Variants in LRP1B observed in about 807,000 individuals in gnomAD.
The protein encoded by LRP1B is low-density lipoprotein receptor-related protein 1B.
A neutral mutation model predicts 556.6 loss-of-function variants in LRP1B; 217 were observed. The ratio of observed to expected loss-of-function variants is 0.39; its 90% CI spans 0.35 to 0.44. The LOEUF is 0.44. Ranked by LOEUF, LRP1B falls within the 20% of genes least tolerant of loss-of-function variation. LRP1B has a pLI of 1.00. For missense variants in LRP1B, 5,053 were observed against 5,620.8 expected, an observed-to-expected ratio of 0.90 and a Z score of 3.23; for synonymous variants, 2,047 against 1,865.8, an observed-to-expected ratio of 1.10 and a Z score of -2.50.
intron 3 of LRP1B, among the ~76,000 whole-genome samples, chr2:141,355,154 G>C (rs539091322): frequency 6.6e-6 from 1 of 152,066 alleles, no homozygotes; most frequent in African/African-American, 2.4e-5. Context: ...CATGTACTAA[G>C]TGAATTGAAC....
chr2:140,760,407 G>A (rs1023540532), intron 35 of LRP1B, among the ~76,000 whole-genome samples: 1 of 152,146 alleles, frequency 6.6e-6, no homozygotes, highest in African/African-American at 2.4e-5. Context: ...ATATTGCAAA[G>A]TGTACCTTGG....
intron 7 of LRP1B, among the ~76,000 whole-genome samples, chr2:141,109,879 T>C (rs1922704): frequency 0.36 from 54,945 of 151,868 alleles, 10,431 homozygotes; most frequent in East Asian, 0.66. Flanking sequence ...CAACAGCTGA[T>C]TGCATATTGC....
chr2:140,650,312 TA>T (rs1223428216), intron 41 of LRP1B, among the ~76,000 whole-genome samples: 113 of 498 alleles, frequency 0.23, no homozygotes, highest in Non-Finnish European at 0.35. Context: ...TTTTTATTTT[TA>T]TTTATTTATT....
intron 83 of LRP1B, among the ~76,000 whole-genome samples, chr2:140,303,756 C>G (rs939851703): frequency 1.3e-5 from 2 of 151,774 alleles, no homozygotes; most frequent in African/African-American, 4.8e-5. Context: ...TGTGCTGCAC[C>G]CATTAACTCG....
At chr2:141,446,854 T>C (rs1454570221) in intron 3 of LRP1B, among the ~76,000 whole-genome samples, 1 of 152,198 alleles carries the variant, frequency 6.6e-6, no homozygotes, top group Non-Finnish European at 1.5e-5. Flanking sequence ...GTTTTTTCCT[T>C]CATTTCAATC....
At chr2:140,318,728 A>G (rs951225835) in intron 82 of LRP1B, among the ~76,000 whole-genome samples, 14 of 152,070 alleles carry the variant, frequency 9.2e-5, no homozygotes, top group African/African-American at 3.1e-4. Flanking sequence ...AGAGTGGACC[A>G]CCTACATTCA....
At chr2:140,695,814 C>T (rs16844532) in intron 41 of LRP1B, among the ~76,000 whole-genome samples, 2,353 of 152,220 alleles carry the variant, frequency 0.015, 53 homozygotes, top group African/African-American at 0.052. Flanking sequence ...TCCTTATTCG[C>T]TCATACCTAA....
intron 1 of LRP1B, among the ~76,000 whole-genome samples, chr2:141,981,773 A>G (rs2105095951): frequency 6.6e-6 from 1 of 152,200 alleles, no homozygotes. Context: ...TGGCCATGTG[A>G]GTAGTCCTTA....
Position 141,141,345 on chromosome 2 carries a change from G to A in LRP1B, c.1013+47076C>T, listed in dbSNP as rs564328744. 2.0e-5 allele frequency among the ~76,000 whole-genome samples: 3 copies of A among 151,846 alleles called. No individual in the cohort carries two copies. In the South Asian group the frequency reaches 6.2e-4, roughly 32 times the overall value. ...TTCATTTTTATGAAGCATTTATTTT[G>A]ATTGTCCTAAAATGGTTTTATGTGT... On this transcript the variant is annotated intron_variant, in intron 7 of 90. Coordinates refer to ENST00000389484, the MANE Select transcript of LRP1B (RefSeq NM_018557.3).
intron 2 of LRP1B, among the ~76,000 whole-genome samples, chr2:141,584,561 A>G (rs1687064142): frequency 6.6e-6 from 1 of 152,174 alleles, no homozygotes; most frequent in Non-Finnish European, 1.5e-5. Flanking sequence ...TGATATGTAT[A>G]TATTTTTATT....
chr2:140,735,573 G>A (rs1687919051), intron 35 of LRP1B, among the ~76,000 whole-genome samples: 1 of 152,126 alleles, frequency 6.6e-6, no homozygotes, highest in East Asian at 1.9e-4. Context: ...TGAAAGATGG[G>A]ATGAGAATAT....
Position 140,514,634 on chromosome 2 carries a change from C to G in LRP1B, c.8269+19G>C, listed in dbSNP as rs1468703096. On this transcript the variant is annotated intron_variant, in intron 51 of 90. Transcript: ENST00000389484. ...ATAATGCTTAAAAACTGATTGAGGA[C>G]AGAAGATACACAACTTACCACAAAT... 4 of 1,599,612 alleles carry G rather than the reference C, an allele frequency of 2.5e-6. No individual in the cohort carries two copies. The highest frequency in any genetic ancestry group is 1.7e-5 in the Admixed American group (1 of 59,010).
intron 18 of LRP1B, among the ~76,000 whole-genome samples, chr2:140,959,066 T>A (rs1369616149): frequency 5.9e-5 from 9 of 151,290 alleles, no homozygotes; most frequent in Non-Finnish European, 1.0e-4. Flanking sequence ...GATTTTTTTT[T>A]TTTTTTGTAA....
At chr2:141,216,216 A>G (rs1266515930) in intron 6 of LRP1B, among the ~76,000 whole-genome samples, 1 of 152,118 alleles carries the variant, frequency 6.6e-6, no homozygotes, top group African/African-American at 2.4e-5. Context: ...TATACCTCGA[A>G]CCGCCACTTT....
At chr2:141,450,125 GAGA>G (rs1681360582) in intron 3 of LRP1B, among the ~76,000 whole-genome samples, 2 of 152,168 alleles carry the variant, frequency 1.3e-5, no homozygotes, top group Non-Finnish European at 1.5e-5. Context: ...AGGAGATACA[GAGA>G]AGAAGAGAGG....
At chr2:140,645,109 A>T (rs1457527771) in intron 41 of LRP1B, among the ~76,000 whole-genome samples, 1 of 152,098 alleles carries the variant, frequency 6.6e-6, no homozygotes, top group Non-Finnish European at 1.5e-5. Context: ...ACCTTATTTT[A>T]ATCAGGAAGC....
chr2:140,387,934 CTTTTTTT>C (rs536602296), intron 66 of LRP1B, among the ~76,000 whole-genome samples: 5 of 138,398 alleles, frequency 3.6e-5, no homozygotes, highest in African/African-American at 5.2e-5. Flanking sequence ...CTTGTACTTT[CTTTTTTT>C]TTTTTTTTTC....
chr2:141,472,422 T>C (rs79426799), intron 3 of LRP1B, among the ~76,000 whole-genome samples: 66,748 of 151,708 alleles, frequency 0.44, 14,994 homozygotes, highest in Non-Finnish European at 0.49. Flanking sequence ...TGCCTGTAAT[T>C]CCAACTATTT....
At chr2:141,392,169 A>G (rs1690073739) in intron 3 of LRP1B, among the ~76,000 whole-genome samples, 1 of 152,150 alleles carries the variant, frequency 6.6e-6, no homozygotes. Context: ...TAAATAGTCT[A>G]TATTACTTAT....
Sources: allele counts gnomAD v4.1 joint callset (sites outside exome capture counted in the v4.1 genomes callset), GRCh38; gene constraint gnomAD v4.1.1; transcripts MANE v1.5; gene names NCBI Gene and HGNC (gene_info 2026-07-23, HGNC 2026-07-21).